UPK3BL2: variants seen among roughly 807,000 people sequenced by gnomAD.
UPK3BL2 encodes uroplakin-3b-like protein 2.
A neutral mutation model predicts 11.3 loss-of-function variants in UPK3BL2; 1 was observed. The ratio of observed to expected loss-of-function variants is 0.09; its 90% CI spans 0.03 to 0.42. The LOEUF (loss-of-function observed/expected upper bound fraction) is 0.42. Ranked by LOEUF, UPK3BL2 falls within the 10% of genes least tolerant of loss-of-function variation. The pLI is 0.98.
intron 1 of UPK3BL2, chr7:102,542,130 CG>C (rs1336989684): frequency 1.8e-5 from 17 of 929,254 alleles, no homozygotes; most frequent in Non-Finnish European, 2.2e-5. Context: ...TGGCAGGGGT[CG>C]GGGGGATGGC....
At chr7:102,540,838 C>T (rs1244116794) in intron 3 of UPK3BL2, among the ~76,000 whole-genome samples, 1 of 107,668 alleles carries the variant, frequency 9.3e-6, no homozygotes, top group African/African-American at 3.1e-5. Flanking sequence ...AGCAAGACTC[C>T]ATCTCAAAAA....
intron 1 of UPK3BL2, chr7:102,541,949 G>A: frequency 1.0e-6 from 1 of 967,694 alleles, no homozygotes; most frequent in South Asian, 4.8e-5. Flanking sequence ...CACCCTGGCG[G>A]TAGGCACAGT....
At chr7:102,540,876 AGAAG>A (rs1563689755) in intron 3 of UPK3BL2, among the ~76,000 whole-genome samples, 147 of 113,458 alleles carry the variant, frequency 1.3e-3, no homozygotes, top group Middle Eastern at 4.9e-3. Context: ...AAAAAAAAAA[AGAAG>A]AAAAGGAAAA....
At chr7:102,540,900 AG>A (rs1432849993) in intron 3 of UPK3BL2, among the ~76,000 whole-genome samples, 192 bp downstream of exon 3, 24 of 127,034 alleles carry the variant, frequency 1.9e-4, no homozygotes, top group South Asian at 3.0e-4. Flanking sequence ...AAAAAAAAAA[AG>A]AGAAGAAGGA....
chr7:102,538,234 T>C, downstream of UPK3BL2: 1 of 260,340 alleles, frequency 3.8e-6, no homozygotes. Flanking sequence ...GAGGTTGCAG[T>C]GAGCCAAGAT....
intron 1 of UPK3BL2, chr7:102,542,552 A>T: frequency 1.0e-6 from 1 of 985,178 alleles, no homozygotes; most frequent in Non-Finnish European, 1.2e-6. Flanking sequence ...AGTTCAGTTC[A>T]ACTTGATTCA....
At chr7:102,540,872 AAAAAGAAGAAAAGG>A (rs1392212657) in intron 3 of UPK3BL2, among the ~76,000 whole-genome samples, 20 of 130,040 alleles carry the variant, frequency 1.5e-4, no homozygotes, top group South Asian at 8.2e-4. Flanking sequence ...AAAAAAAAAA[AAAAAGAAGAAAAGG>A]AAAAAAAAAA....
chr7:102,542,472 T>C (rs1472276275), intron 1 of UPK3BL2: 1 of 984,864 alleles, frequency 1.0e-6, no homozygotes, highest in Non-Finnish European at 1.2e-6. Context: ...CCCCAAATAC[T>C]GGTCTAGGAG....
intron 3 of UPK3BL2, among the ~76,000 whole-genome samples, chr7:102,540,850 C>CAAAACAAAACA: frequency 1.6e-5 from 1 of 60,698 alleles, no homozygotes; most frequent in South Asian, 4.7e-4. Flanking sequence ...TCTCAAAAAA[C>CAAAACAAAACA]AAAACAAAAA....
intron 3 of UPK3BL2, among the ~76,000 whole-genome samples, chr7:102,540,843 C>CAAA (rs1191808991): frequency 1.6e-3 from 90 of 55,074 alleles, no homozygotes; most frequent in East Asian, 2.4e-3. Context: ...GACTCCATCT[C>CAAA]AAAAAACAAA....
At chr7:102,540,875 AAGAAG>A (rs1800236288) in intron 3 of UPK3BL2, among the ~76,000 whole-genome samples, 3 of 118,868 alleles carry the variant, frequency 2.5e-5, no homozygotes, top group East Asian at 2.4e-4. Context: ...AAAAAAAAAA[AAGAAG>A]AAAAGGAAAA....
chr7:102,540,898 A>G (rs1467072316), intron 3 of UPK3BL2, among the ~76,000 whole-genome samples, 195 bp downstream of exon 3: 1 of 129,282 alleles, frequency 7.7e-6, no homozygotes, highest in Non-Finnish European at 1.7e-5. Flanking sequence ...AAAAAAAAAA[A>G]AAGAGAAGAA....
At chr7:102,540,874 AAAGAAG>A (rs1563689746) in intron 3 of UPK3BL2, among the ~76,000 whole-genome samples, 1 of 119,570 alleles carries the variant, frequency 8.4e-6, no homozygotes, top group Non-Finnish European at 1.8e-5. Flanking sequence ...AAAAAAAAAA[AAAGAAG>A]AAAAGGAAAA....
intron 1 of UPK3BL2, among the ~76,000 whole-genome samples, chr7:102,543,076 G>C (rs1800340917): frequency 6.6e-6 from 1 of 150,854 alleles, no homozygotes; most frequent in Non-Finnish European, 1.5e-5. Flanking sequence ...CAGAGATTGG[G>C]GTTGGGGGCA....
chr7:102,541,629 A>AGCTGGGGCACATAGCTGATGTGC lies in UPK3BL2; in HGVS notation c.123_145dup (p.Leu49ArgfsTer29). 6.5e-7 allele frequency: 1 copy of AGCTGGGGCACATAGCTGATGTGC among 1,547,676 alleles called. No individual in the cohort carries two copies. The highest frequency in any genetic ancestry group is 1.2e-5 in the South Asian group (1 of 83,790). ...CCTCCCCGCCAAGGTGTCGTTTGAG[A>AGCTGGGGCACATAGCTGATGTGC]GCTGGGGCACATAGCTGATGTGCTC... is the stretch of plus-strand genomic sequence containing the variant. On this transcript the variant is annotated frameshift_variant, in exon 2 of 6. Transcript: ENST00000644544. LOFTEE classifies it high-confidence loss of function.
chr7:102,540,855 CAAA>C (rs1158192702), intron 3 of UPK3BL2, among the ~76,000 whole-genome samples: 6 of 61,264 alleles, frequency 9.8e-5, no homozygotes, highest in Admixed American at 4.3e-4. Context: ...AAAAACAAAA[CAAA>C]AAAAAAAAAA....
At chr7:102,543,083 G>T (rs1356363137) in intron 1 of UPK3BL2, among the ~76,000 whole-genome samples, 1 of 150,618 alleles carries the variant, frequency 6.6e-6, no homozygotes, top group Non-Finnish European at 1.5e-5. Flanking sequence ...TGGGGTTGGG[G>T]GCAGAGATTG....
chr7:102,543,012 AAAAGAAAG>A (rs71273990), intron 1 of UPK3BL2, among the ~76,000 whole-genome samples: 4 of 144,362 alleles, frequency 2.8e-5, no homozygotes, highest in African/African-American at 7.4e-5. Context: ...AAAAAAAAAA[AAAAGAAAG>A]AAAGAAAAAA....
intron 3 of UPK3BL2, among the ~76,000 whole-genome samples, chr7:102,540,875 AAG>A (rs1800236196): frequency 3.4e-5 from 4 of 118,840 alleles, no homozygotes; most frequent in Admixed American, 8.5e-5. Flanking sequence ...AAAAAAAAAA[AAG>A]AAGAAAAGGA....
Sources: allele counts gnomAD v4.1 joint callset (sites outside exome capture counted in the v4.1 genomes callset), GRCh38; gene constraint gnomAD v4.1.1; transcripts MANE v1.5; gene names NCBI Gene and HGNC (gene_info 2026-07-23, HGNC 2026-07-21).